Variants in CANX observed in about 807,000 individuals in gnomAD.
CANX encodes epididymis secretory sperm binding protein.
CANX carries 14 observed loss-of-function variants against 75.7 expected under a neutral mutation model. The observed-to-expected ratio is 0.19, with a 90% CI of 0.12 to 0.29. The LOEUF (loss-of-function observed/expected upper bound fraction) is 0.29, where lower values mean the gene tolerates loss of function less well. CANX is among the 10% of genes least tolerant of loss of function. CANX has a pLI of 1.00. For missense variants in CANX, 567 were observed against 713.2 expected (o/e 0.79, Z 2.34); for synonymous variants, 227 against 236.9 (o/e 0.96, Z 0.38).
chr5:179,686,102 C>CTTTTTT (rs757104413), intron 1 of CANX, among the ~76,000 whole-genome samples: 1 of 128,622 alleles, frequency 7.8e-6, no homozygotes, highest in South Asian at 2.7e-4. Context: ...TTGTTCAAGT[C>CTTTTTT]TTTTTTTTTT....
In CANX at chr5:179,699,497, G is replaced by C. The variant is rs1011830813; in HGVS notation, c.-4+395G>C. 6 of 152,384 alleles carry C rather than the reference G, an allele frequency of 3.9e-5. 1 individual carries two copies. Among genetic ancestry groups the C allele is most frequent in the Middle Eastern group, 6.8e-3 (2 of 294 alleles). 9.4% of individuals were successfully genotyped at this position (152,384 alleles called of 1,614,324 possible). A position where few individuals can be genotyped will look rare whatever the true frequency, so the allele number is the denominator to read the frequency against. On this transcript the variant is annotated intron_variant, in intron 1 of 14. Coordinates refer to ENST00000247461, the MANE Select transcript of CANX (RefSeq NM_001746.4). ...GAATCGGGCCTACTAGGTACCCCTAGTAGTAGGGAAGGGTGGTATTAGACC... is the reference window on the plus strand; with the variant it reads ...GAATCGGGCCTACTAGGTACCCCTACTAGTAGGGAAGGGTGGTATTAGACC...
intron 7 of CANX, chr5:179,715,749 C>T (rs981181562): frequency 2.3e-5 from 6 of 261,016 alleles, no homozygotes; most frequent in Non-Finnish European, 3.8e-5. Flanking sequence ...TGTAAGTCCA[C>T]GTATTTGTCT....
At chr5:179,680,106 C>T (rs935966425) in intron 1 of CANX, among the ~76,000 whole-genome samples, 1 of 151,972 alleles carries the variant, frequency 6.6e-6, no homozygotes, top group Non-Finnish European at 1.5e-5. Flanking sequence ...CCACTGTACC[C>T]GGCAGGGCAG....
exon 1 of CANX, chr5:179,678,715 C>T (rs1415722606): frequency 6.5e-7 from 1 of 1,536,994 alleles, no homozygotes; most frequent in Non-Finnish European, 8.7e-7. Context: ...GCTTCTCCAG[C>T]AAGTGCATGC....
At chr5:179,721,913 A>G (rs896467542) in intron 10 of CANX, among the ~76,000 whole-genome samples, 1 of 152,164 alleles carries the variant, frequency 6.6e-6, no homozygotes, top group Non-Finnish European at 1.5e-5. Flanking sequence ...ATATATACAT[A>G]TACTAATATA....
chr5:179,725,782 G>A (rs1778621121), intron 13 of CANX, among the ~76,000 whole-genome samples: 4 of 148,284 alleles, frequency 2.7e-5, no homozygotes. Context: ...GAGGTCAAGA[G>A]ATCAAGACCA....
At chr5:179,697,901 T>TA (rs943315842), upstream of CANX, among the ~76,000 whole-genome samples, 2 of 151,662 alleles carry the variant, frequency 1.3e-5, no homozygotes, top group Non-Finnish European at 2.9e-5. Context: ...AAAATAAAAA[T>TA]AAAAAAAATT....
At chr5:179,724,263 AAAAG>A (rs1397283954) in intron 12 of CANX, among the ~76,000 whole-genome samples, 4 of 152,130 alleles carry the variant, frequency 2.6e-5, no homozygotes, top group Admixed American at 6.5e-5. Context: ...CTATCATAAA[AAAAG>A]AAAGTCTTAT....
intron 1 of CANX, chr5:179,704,258 T>C (rs1776973391): frequency 6.6e-6 from 1 of 152,276 alleles, no homozygotes; most frequent in Non-Finnish European, 1.5e-5. Flanking sequence ...CCGGGTGCGG[T>C]GGCTCACTCC....
rs1256632044 is a variant in CANX, at chr5:179,691,926, C to T, written c.-4+13149C>T. Among the ~76,000 whole-genome samples the T allele has an allele frequency of 4.0e-5, 6 of 151,544 alleles. No homozygotes were observed. In the East Asian group the frequency reaches 7.8e-4, roughly 20 times the overall value. ...CCGAGTAGCTGGGACTACAGGCACC[C>T]GCCACCACGCCCGGCTAATTTTTTT... On this transcript the variant is annotated intron_variant, in intron 1 of 14. Coordinates refer to the CANX transcript ENST00000681674.
At chr5:179,682,303 A>C (rs1032911792) in intron 1 of CANX, among the ~76,000 whole-genome samples, 2 of 151,310 alleles carry the variant, frequency 1.3e-5, no homozygotes, top group African/African-American at 4.9e-5. Context: ...CAGGCCGGGC[A>C]CGGTGGCTCA....
upstream of CANX, chr5:179,694,645 A>C (rs1776358287): frequency 2.5e-6 from 2 of 813,678 alleles, no homozygotes; most frequent in East Asian, 4.8e-5. Context: ...AAGTACGAGA[A>C]GGATGTTGCT....
chr5:179,701,736 CTTTT>C (rs558907168), intron 1 of CANX, among the ~76,000 whole-genome samples: 2 of 43,996 alleles, frequency 4.5e-5, no homozygotes, highest in African/African-American at 9.4e-5. Context: ...AACAGATGTA[CTTTT>C]TTTTTTTTTT....
intron 1 of CANX, among the ~76,000 whole-genome samples, chr5:179,684,924 GTATTTT>G (rs1776160329): frequency 3.5e-5 from 1 of 28,982 alleles, no homozygotes; most frequent in African/African-American, 1.1e-4. Context: ...GGCTAATTTT[GTATTTT>G]TTTTTTTTTT....
Position 179,729,541 on chromosome 5 carries a change from G to C in CANX, c.*897G>C, listed in dbSNP as rs996646185. On this transcript the variant is annotated 3_prime_UTR_variant, in exon 15 of 15. Transcript: ENST00000247461. ...ACTGTTTTCCTTACCTATTTCCTCAGATCCCCAGCTTTCTCCTCTGCTATG... is the reference window on the plus strand; with the variant it reads ...ACTGTTTTCCTTACCTATTTCCTCACATCCCCAGCTTTCTCCTCTGCTATG... The C allele has an allele frequency of 3.9e-5, 6 of 152,692 alleles. No homozygotes were observed. The highest frequency in any genetic ancestry group is 1.4e-4 in the African/African-American group (6 of 41,430). 9.5% of individuals were successfully genotyped at this position (152,692 alleles called of 1,614,324 possible). A position where few individuals can be genotyped will look rare whatever the true frequency, so the allele number is the denominator to read the frequency against.
chr5:179,685,534 C>T (rs527399240), intron 1 of CANX, among the ~76,000 whole-genome samples: 1 of 145,678 alleles, frequency 6.9e-6, no homozygotes, highest in Admixed American at 7.0e-5. Context: ...AGGCGTGAGC[C>T]ACCGCGCCCA....
intron 13 of CANX, 101 bp from the exon 14 acceptor site, chr5:179,726,576 CAAA>C (rs869102481): frequency 3.5e-3 from 1,784 of 511,838 alleles, no homozygotes; most frequent in South Asian, 5.4e-3. Flanking sequence ...ACTCTGTCTC[CAAA>C]AAAAAAAAAA....
At chr5:179,715,128 C>T (rs989829466) in intron 7 of CANX, among the ~76,000 whole-genome samples, 6 of 152,244 alleles carry the variant, frequency 3.9e-5, no homozygotes, top group African/African-American at 1.4e-4. Context: ...ATCACTGACA[C>T]AGCAGCATAG....
At chr5:179,719,522 T>C (rs1029277987) in intron 8 of CANX, 146 bp from the exon 9 acceptor site, 6 of 512,412 alleles carry the variant, frequency 1.2e-5, no homozygotes, top group Admixed American at 3.6e-5. Flanking sequence ...TTAGCAGATA[T>C]ATGATTTACA....
Sources: gnomAD v4.1 joint callset for allele counts (sites outside exome capture counted in the v4.1 genomes callset) on GRCh38, gnomAD v4.1.1 for gene constraint, MANE v1.5 for transcripts, NCBI Gene and HGNC (gene_info 2026-07-23, HGNC 2026-07-21) for gene names.